Variants in PATJ observed in about 807,000 individuals in gnomAD.
PATJ encodes inaD-like protein.
A neutral mutation model predicts 224.9 loss-of-function variants in PATJ; 190 were observed. The observed-to-expected ratio is 0.84, with a 90% CI of 0.75 to 0.95. The LOEUF is 0.95. PATJ is among the 40% of genes least tolerant of loss of function. PATJ has a pLI of 0.00. For missense variants in PATJ, 2,121 were observed against 2,270.3 expected, an observed-to-expected ratio of 0.93 and a Z score of 1.34; for synonymous variants, 769 against 820.3, an observed-to-expected ratio of 0.94 and a Z score of 1.07.
intron 20 of PATJ, 60 bp from the exon 21 acceptor site, chr1:61,875,183 G>C (rs12753462): frequency 0.39 from 439,150 of 1,132,328 alleles, 87,770 homozygotes; most frequent in Non-Finnish European, 0.42. Flanking sequence ...TTGATCAACT[G>C]TACAGTAATA....
chr1:61,903,994 G>C (rs576795778), intron 24 of PATJ, among the ~76,000 whole-genome samples: 1 of 151,912 alleles, frequency 6.6e-6, no homozygotes, highest in Admixed American at 6.6e-5. Context: ...GGCTGATCTC[G>C]AACTCCTAAC....
chr1:61,949,952 C>A (rs1017215128), intron 27 of PATJ, among the ~76,000 whole-genome samples: 3 of 151,806 alleles, frequency 2.0e-5, no homozygotes, highest in Non-Finnish European at 4.4e-5. Flanking sequence ...GTAATCCCAG[C>A]ACTTTGGGAG....
At chr1:61,978,489 T>C (rs1292671961) in intron 27 of PATJ, among the ~76,000 whole-genome samples, 1 of 151,986 alleles carries the variant, frequency 6.6e-6, no homozygotes, top group East Asian at 1.9e-4. Flanking sequence ...GGTCTCGAAC[T>C]CCCAACCTCA....
intron 14 of PATJ, among the ~76,000 whole-genome samples, chr1:61,813,370 TATATATATACACACACACAC>T (rs1297350898): frequency 3.1e-4 from 14 of 44,564 alleles, no homozygotes; most frequent in African/African-American, 1.2e-3. Context: ...TATATATATA[TATATATATACACACACACAC>T]ACACACACAT....
chr1:62,114,154 A>AC lies in PATJ; in HGVS notation c.4564dup (p.His1522ProfsTer5). On this transcript the variant is annotated frameshift_variant, in exon 35 of 44. Transcript: ENST00000642238. LOFTEE classifies it high-confidence loss of function. ...GGCTGGTGGTGTATAGAGATGAGGC[A>AC]CACTACCGGGATGAGGAGAACTTGG... The AC allele has an allele frequency of 6.2e-7, 1 of 1,614,116 alleles. No homozygotes were observed. The highest frequency in any genetic ancestry group is 8.5e-7 in the Non-Finnish European group (1 of 1,179,998).
At chr1:61,768,648 C>T (rs543447355) in intron 4 of PATJ, among the ~76,000 whole-genome samples, 8 of 151,836 alleles carry the variant, frequency 5.3e-5, no homozygotes, top group African/African-American at 1.7e-4. Flanking sequence ...GTCTGTAATC[C>T]CAGCAATTTG....
intron 33 of PATJ, among the ~76,000 whole-genome samples, chr1:62,088,119 G>A (rs1304803506): frequency 1.3e-5 from 2 of 152,020 alleles, no homozygotes; most frequent in African/African-American, 2.4e-5. Flanking sequence ...TTGAACTCCC[G>A]ACCTCAGGTG....
At position 62,134,636 on chromosome 1, in the gene PATJ, C is replaced by A. The variant is rs1475335698; in HGVS notation, c.5271+5691C>A. On this transcript the variant is annotated intron_variant, in intron 41 of 43. Transcript: ENST00000642238. ...CTGGGATTACTGGTGTGAGCCACCACGCCCGGCCTCTTTTCTTTATAAATA... is the reference window on the plus strand; with the variant it reads ...CTGGGATTACTGGTGTGAGCCACCAAGCCCGGCCTCTTTTCTTTATAAATA... 2.6e-5 allele frequency among the ~76,000 whole-genome samples: 4 copies of A among 152,126 alleles called. No homozygotes were observed. In the East Asian group the frequency reaches 7.7e-4, roughly 29 times the overall value.
At chr1:62,145,139 ACTAT>A (rs1395808383) in intron 41 of PATJ, among the ~76,000 whole-genome samples, 1 of 152,144 alleles carries the variant, frequency 6.6e-6, no homozygotes, top group African/African-American at 2.4e-5. Flanking sequence ...TTTGTTTAGG[ACTAT>A]CTAAGAGGCA....
intron 27 of PATJ, among the ~76,000 whole-genome samples, chr1:61,953,856 C>T (rs1680065542): frequency 6.6e-6 from 1 of 152,154 alleles, no homozygotes; most frequent in Non-Finnish European, 1.5e-5. Flanking sequence ...CATCCCTGAT[C>T]ATTTTCTTAA....
At chr1:62,091,981 G>A (rs148092876) in intron 33 of PATJ, among the ~76,000 whole-genome samples, 10,170 of 150,928 alleles carry the variant, frequency 0.067, 809 homozygotes, top group African/African-American at 0.19. Flanking sequence ...ACTTGAACAC[G>A]GGAGGCGGAG....
chr1:62,002,450 T>C (rs1181173697), intron 28 of PATJ, among the ~76,000 whole-genome samples: 1 of 152,130 alleles, frequency 6.6e-6, no homozygotes, highest in Non-Finnish European at 1.5e-5. Context: ...CTCACACCTG[T>C]AATCCCAGCA....
At chr1:61,788,093 C>CA (rs1384858361) in intron 8 of PATJ, 121 bp downstream of exon 8, 4 of 546,810 alleles carry the variant, frequency 7.3e-6, no homozygotes, top group Non-Finnish European at 5.5e-6. Flanking sequence ...ACTAGTGAAA[C>CA]AGGAAAAAAA....
At chr1:62,031,970 GT>G (rs1366251510) in intron 29 of PATJ, among the ~76,000 whole-genome samples, 1 of 152,104 alleles carries the variant, frequency 6.6e-6, no homozygotes, top group Non-Finnish European at 1.5e-5. Context: ...ATCAAAATTT[GT>G]GTCATGTATT....
chr1:62,114,156 A>C lies in PATJ; in HGVS notation c.4565A>C (p.His1522Pro), dbSNP rs1664186064. 2 of 1,614,006 alleles carry C rather than the reference A, an allele frequency of 1.2e-6. No homozygotes were observed. The highest frequency in any genetic ancestry group is 2.7e-5 in the African/African-American group (2 of 74,908). ...VRLVVYRDEAHYRDEENLEIF... is the reference protein window; with the variant it reads ...VRLVVYRDEAPYRDEENLEIF... ...CTGGTGGTGTATAGAGATGAGGCAC[A>C]CTACCGGGATGAGGAGAACTTGGAG... The change falls in exon 35 of 44, where the codon CAC becomes CCC. Residue 1522 changes from histidine (H) to proline (P), a missense_variant. By Grantham distance (77) the His-to-Pro change is moderately conservative (BLOSUM62 -2). Transcript: ENST00000642238.
chr1:61,791,597 A>T (rs1439215925), intron 9 of PATJ, 150 bp downstream of exon 9: 1 of 504,096 alleles, frequency 2.0e-6, no homozygotes, highest in Non-Finnish European at 3.5e-6. Flanking sequence ...CTCAGTGATT[A>T]CAGAATCACA....
chr1:61,808,420 G>A, intron 13 of PATJ, 54 bp from the exon 14 acceptor site: 1 of 1,022,010 alleles, frequency 9.8e-7, no homozygotes, highest in Non-Finnish European at 1.5e-6. Context: ...GAAAATGTAG[G>A]AGGAAATACA....
At chr1:62,044,776 A>C (rs1652202702) in intron 30 of PATJ, among the ~76,000 whole-genome samples, 1 of 152,216 alleles carries the variant, frequency 6.6e-6, no homozygotes, top group African/African-American at 2.4e-5. Flanking sequence ...AGCCTAGTAA[A>C]TAAGCTCACG....
chr1:61,959,349 G>T (rs1361381819), intron 27 of PATJ, among the ~76,000 whole-genome samples: 1 of 149,124 alleles, frequency 6.7e-6, no homozygotes, highest in Non-Finnish European at 1.5e-5. Context: ...ATAAATTTTT[G>T]AATGTCAGGA....
Sources: gnomAD v4.1 joint callset for allele counts (sites outside exome capture counted in the v4.1 genomes callset) on GRCh38, gnomAD v4.1.1 for gene constraint, MANE v1.5 for transcripts, NCBI Gene and HGNC (gene_info 2026-07-23, HGNC 2026-07-21) for gene names.